Variants in IL1RAPL1 observed in about 807,000 individuals in gnomAD.
IL1RAPL1 encodes interleukin-1 receptor accessory protein-like 1.
IL1RAPL1 carries 3 observed loss-of-function variants against 48.4 expected under a neutral mutation model. The observed-to-expected ratio is 0.06, with a 90% CI of 0.03 to 0.16. The LOEUF (loss-of-function observed/expected upper bound fraction) is 0.16. Ranked by LOEUF, IL1RAPL1 falls within the 10% of genes least tolerant of loss-of-function variation. The probability of loss-of-function intolerance (pLI) is 1.00; values close to 1 mark genes in which losing one functional copy is unlikely to be tolerated. For missense variants in IL1RAPL1, 349 were observed against 530.6 expected, an observed-to-expected ratio of 0.66 and a Z score of 3.36; for synonymous variants, 185 against 187.7, an observed-to-expected ratio of 0.99 and a Z score of 0.12.
At chrX:29,805,838 G>A (rs776154608) in intron 6 of IL1RAPL1, among the ~76,000 whole-genome samples, 5 of 110,213 alleles carry the variant, frequency 4.5e-5, no homozygotes, top group Non-Finnish European at 7.6e-5. Context: ...TACAGCTAGC[G>A]ATATAAAAGC....
chrX:28,609,787 T>G (rs1425578211), intron 1 of IL1RAPL1, among the ~76,000 whole-genome samples: 2 of 110,593 alleles, frequency 1.8e-5, no homozygotes, highest in Admixed American at 2.0e-4. Flanking sequence ...TCTGGTAGAA[T>G]GTGTTATCCA....
At chrX:29,155,258 C>T (rs1420783155) in intron 2 of IL1RAPL1, among the ~76,000 whole-genome samples, 1 of 111,192 alleles carries the variant, frequency 9.0e-6, no homozygotes, top group Non-Finnish European at 1.9e-5. Context: ...GTAATCCACC[C>T]GCCTCAGCCT....
intron 3 of IL1RAPL1, among the ~76,000 whole-genome samples, chrX:29,361,161 T>C (rs908346584): frequency 8.9e-6 from 1 of 111,887 alleles, no homozygotes; most frequent in Non-Finnish European, 1.9e-5. Context: ...TGGTGTTGAC[T>C]GATGCAGGGA....
chrX:29,216,851 T>C (rs1445721209), intron 2 of IL1RAPL1, among the ~76,000 whole-genome samples: 3 of 111,796 alleles, frequency 2.7e-5, no homozygotes, highest in Non-Finnish European at 3.8e-5. Flanking sequence ...AGCATGGTAG[T>C]ACCAGTTCCT....
At chrX:29,323,475 C>T (rs1208208568) in intron 3 of IL1RAPL1, among the ~76,000 whole-genome samples, 3 of 104,622 alleles carry the variant, frequency 2.9e-5, no homozygotes, top group Non-Finnish European at 3.9e-5. Flanking sequence ...TTATAGTATT[C>T]TCTGTTTTCT....
intron 5 of IL1RAPL1, among the ~76,000 whole-genome samples, chrX:29,499,262 A>G (rs919663091): frequency 7.1e-5 from 8 of 112,296 alleles, no homozygotes; most frequent in Non-Finnish European, 1.1e-4. Context: ...ATATTTATAT[A>G]AAAGAATTGT....
chrX:29,616,085 A>C (rs1286043428), intron 5 of IL1RAPL1, among the ~76,000 whole-genome samples: 1 of 112,089 alleles, frequency 8.9e-6, no homozygotes, highest in African/African-American at 3.2e-5. Flanking sequence ...GTAGGAACAG[A>C]GACAGGGTCC....
intron 5 of IL1RAPL1, among the ~76,000 whole-genome samples, chrX:29,578,229 G>A (rs1471105785): frequency 8.9e-6 from 1 of 112,013 alleles, no homozygotes; most frequent in Admixed American, 9.5e-5. Flanking sequence ...TGGGAGGGAA[G>A]GAGCAAGATG....
At chrX:29,403,353 G>T (rs1306008530) in intron 5 of IL1RAPL1, among the ~76,000 whole-genome samples, 1 of 111,134 alleles carries the variant, frequency 9.0e-6, no homozygotes, top group Non-Finnish European at 1.9e-5. Flanking sequence ...GGGTGTGTGT[G>T]TGTGTGTGTG....
chrX:29,920,820 A>AAAAGAAAAG (rs1932841367), intron 8 of IL1RAPL1, among the ~76,000 whole-genome samples: 2 of 95,959 alleles, frequency 2.1e-5, no homozygotes, highest in Non-Finnish European at 4.2e-5. Context: ...AAAAAAAAAG[A>AAAAGAAAAG]AAAGAAAAGA....
At chrX:29,918,144 A>ATATAT (rs1555935867) in intron 7 of IL1RAPL1, among the ~76,000 whole-genome samples, 11 of 23,751 alleles carry the variant, frequency 4.6e-4, no homozygotes, top group East Asian at 1.6e-3. Context: ...AAAAAAAAAA[A>ATATAT]ATATATATAT....
At chrX:29,129,587 A>AT (rs1928974444) in intron 2 of IL1RAPL1, among the ~76,000 whole-genome samples, 6 of 56,651 alleles carry the variant, frequency 1.1e-4, no homozygotes, top group Admixed American at 2.3e-4. Flanking sequence ...AAATAATGTA[A>AT]ATTTTTTTTT....
chrX:28,641,591 G>A (rs960055324), intron 1 of IL1RAPL1, among the ~76,000 whole-genome samples: 1 of 111,453 alleles, frequency 9.0e-6, no homozygotes, highest in African/African-American at 3.3e-5. Context: ...CTCAGTAATG[G>A]GATTGCTGGG....
At chrX:29,796,208 AG>A (rs1432225733) in intron 6 of IL1RAPL1, among the ~76,000 whole-genome samples, 1 of 112,373 alleles carries the variant, frequency 8.9e-6, no homozygotes, top group African/African-American at 3.2e-5. Flanking sequence ...TTAAGGTGAA[AG>A]GTTCAGAATA....
At chrX:29,698,927 T>C (rs777933963) in intron 6 of IL1RAPL1, among the ~76,000 whole-genome samples, 10 of 112,429 alleles carry the variant, frequency 8.9e-5, no homozygotes, top group African/African-American at 2.9e-4. Context: ...CCTAACTTGA[T>C]AACTGAACAT....
rs1443315614 is a variant in IL1RAPL1, at chrX:29,013,212, AC to A, written c.82+223788del. Among the ~76,000 whole-genome samples the A allele has an allele frequency of 1.4e-3, 150 of 110,155 alleles. 1 individual carries two copies. The highest frequency in any genetic ancestry group is 4.7e-3 in the African/African-American group (143 of 30,212). On this transcript the variant is annotated intron_variant, in intron 2 of 10. Transcript: ENST00000378993. Reference sequence around the variant, plus strand: ...TATTAAAAAGTTAAAAAAAAAAAAAACAATAGATGCTAGCAAGGTTATGGAA... The same window carrying A: ...TATTAAAAAGTTAAAAAAAAAAAAAAAATAGATGCTAGCAAGGTTATGGAA...
intron 1 of IL1RAPL1, among the ~76,000 whole-genome samples, chrX:28,734,405 A>G (rs753932554): frequency 1.5e-3 from 165 of 111,409 alleles, no homozygotes; most frequent in Non-Finnish European, 2.6e-3. Context: ...TACTCTAGCC[A>G]CAGTGACACC....
chrX:29,097,878 A>C (rs187958700), intron 2 of IL1RAPL1, among the ~76,000 whole-genome samples: 29 of 112,205 alleles, frequency 2.6e-4, no homozygotes, highest in African/African-American at 9.4e-4. Context: ...AGATGAAGGG[A>C]CTAGATTTAA....
At chrX:28,995,861 A>G (rs1925712337) in intron 2 of IL1RAPL1, among the ~76,000 whole-genome samples, 1 of 110,381 alleles carries the variant, frequency 9.1e-6, no homozygotes. Context: ...CTTTGCGTTA[A>G]TGCAAACTTC....
Sources: gnomAD v4.1 joint callset for allele counts (sites outside exome capture counted in the v4.1 genomes callset) on GRCh38, gnomAD v4.1.1 for gene constraint, MANE v1.5 for transcripts, NCBI Gene and HGNC (gene_info 2026-07-23, HGNC 2026-07-21) for gene names.